The following GBE1 variants were observed in gnomAD, a reference collection of about 807,000 sequenced individuals.
The protein encoded by GBE1 is 1,4-alpha-glucan branching enzyme 1.
GBE1 carries 70 observed loss-of-function variants against 88.8 expected under a neutral mutation model. The observed-to-expected ratio is 0.79, with a 90% CI of 0.65 to 0.96. The LOEUF is 0.96. Ranked by LOEUF, GBE1 falls within the 40% of genes least tolerant of loss-of-function variation. The probability of loss-of-function intolerance (pLI) is 0.00; values close to 1 mark genes in which losing one functional copy is unlikely to be tolerated. For synonymous variants in GBE1, 284 were observed against 300.1 expected (o/e 0.95, Z 0.56); for missense variants, 872 against 871.0 (o/e 1.00, Z -0.01).
chr3:81,506,835 G>A (rs1358236097), intron 14 of GBE1, among the ~76,000 whole-genome samples: 2 of 152,096 alleles, frequency 1.3e-5, no homozygotes, highest in East Asian at 3.9e-4. Context: ...ACCAAATACT[G>A]CATGTTCTCA....
In GBE1 at chr3:81,535,331, A is replaced by T; in HGVS notation, c.1804-6T>A. ...TGTTTTTCACTCACGTAGGCCTGCA[A>T]GAATTAGCACACATGTTACATTTAA... On this transcript the variant is annotated splice_region_variant and splice_polypyrimidine_tract_variant and intron_variant, in intron 13 of 15. Transcript: ENST00000429644. 6.3e-7 allele frequency: 1 copy of T among 1,598,142 alleles called. No individual in the cohort carries two copies. The highest frequency in any genetic ancestry group is 8.5e-7 in the Non-Finnish European group (1 of 1,174,650).
At chr3:81,633,224 T>G (rs1340865509) in intron 7 of GBE1, among the ~76,000 whole-genome samples, 1 of 152,164 alleles carries the variant, frequency 6.6e-6, no homozygotes, top group African/African-American at 2.4e-5. Flanking sequence ...ACAATGATAT[T>G]GTGATGACAG....
At chr3:81,633,846 A>G (rs1704551938) in intron 7 of GBE1, among the ~76,000 whole-genome samples, 1 of 152,156 alleles carries the variant, frequency 6.6e-6, no homozygotes, top group East Asian at 1.9e-4. Context: ...ACATTTTGGA[A>G]CCCAGAGATA....
chr3:81,541,996 A>T (rs988662326), intron 12 of GBE1, among the ~76,000 whole-genome samples: 1 of 152,046 alleles, frequency 6.6e-6, no homozygotes, highest in Non-Finnish European at 1.5e-5. Context: ...ACACACACAG[A>T]TGTTACAAAA....
intron 7 of GBE1, among the ~76,000 whole-genome samples, chr3:81,625,984 G>C (rs1443606950): frequency 6.6e-6 from 1 of 152,120 alleles, no homozygotes; most frequent in Non-Finnish European, 1.5e-5. Flanking sequence ...TTCTGCTAGA[G>C]GAAATAACCA....
chr3:81,680,551 T>C (rs1252758086), intron 2 of GBE1, among the ~76,000 whole-genome samples: 1 of 150,728 alleles, frequency 6.6e-6, no homozygotes, highest in African/African-American at 2.4e-5. Context: ...ATGCCATCTA[T>C]AATTGACCAA....
intron 9 of GBE1, among the ~76,000 whole-genome samples, chr3:81,586,835 C>A (rs1411416140): frequency 6.6e-6 from 1 of 151,260 alleles, no homozygotes; most frequent in Admixed American, 6.6e-5. Flanking sequence ...GTTGCCCAGG[C>A]TGGTTTACAG....
rs545102688 is a variant in GBE1, at chr3:81,617,566, A to T, written c.993-23543T>A. Among the ~76,000 whole-genome samples, 4 of 151,980 alleles carry T rather than the reference A, an allele frequency of 2.6e-5. No individual in the cohort carries two copies. In the East Asian group the frequency reaches 5.8e-4, roughly 22 times the overall value. ...AACAAGCTTAATATTTCTAGAATAAACCCTACTTGGTTATGGTGTATAATT... is the reference window on the plus strand; with the variant it reads ...AACAAGCTTAATATTTCTAGAATAATCCCTACTTGGTTATGGTGTATAATT... On this transcript the variant is annotated intron_variant, in intron 7 of 15. Coordinates refer to ENST00000429644, the MANE Select transcript of GBE1 (RefSeq NM_000158.4).
intron 1 of GBE1, among the ~76,000 whole-genome samples, chr3:81,737,394 T>TAAATATATTTTTATATATTTATATATAA (rs1706279848): frequency 2.9e-5 from 1 of 34,244 alleles, no homozygotes; most frequent in South Asian, 6.1e-4. Flanking sequence ...TATATTTATA[T>TAAATATATTTTTATATATTTATATATAA]AAATATATTT....
At chr3:81,630,634 T>G (rs574262661) in intron 7 of GBE1, among the ~76,000 whole-genome samples, 1 of 152,124 alleles carries the variant, frequency 6.6e-6, no homozygotes, top group African/African-American at 2.4e-5. Flanking sequence ...TAAATACACA[T>G]CAACTATTTC....
At chr3:81,551,643 G>A (rs1214961532) in intron 12 of GBE1, among the ~76,000 whole-genome samples, 1 of 152,072 alleles carries the variant, frequency 6.6e-6, no homozygotes, top group Non-Finnish European at 1.5e-5. Flanking sequence ...TGCTGCTTTG[G>A]ACTGAACCAA....
chr3:81,504,962 AAG>A (rs1702634888), intron 14 of GBE1, among the ~76,000 whole-genome samples: 2 of 152,192 alleles, frequency 1.3e-5, no homozygotes. Context: ...TGACAAAAAG[AAG>A]AGTTCTCCAG....
intron 12 of GBE1, among the ~76,000 whole-genome samples, chr3:81,546,298 T>C (rs1703204323): frequency 6.6e-6 from 1 of 151,906 alleles, no homozygotes; most frequent in South Asian, 2.1e-4. Flanking sequence ...TACACACTCA[T>C]ATTATAGGCA....
At chr3:81,712,668 G>A (rs1337578622) in intron 1 of GBE1, among the ~76,000 whole-genome samples, 3 of 152,022 alleles carry the variant, frequency 2.0e-5, no homozygotes, top group Non-Finnish European at 4.4e-5. Context: ...GAAGGGGGGA[G>A]GGATAGCATT....
chr3:81,636,219 G>A (rs1263866105), intron 7 of GBE1, among the ~76,000 whole-genome samples: 1 of 152,142 alleles, frequency 6.6e-6, no homozygotes, highest in Non-Finnish European at 1.5e-5. Flanking sequence ...TCTGAATTTT[G>A]AAGCTAACTC....
intron 1 of GBE1, among the ~76,000 whole-genome samples, chr3:81,751,769 T>C (rs1021155992): frequency 1.9e-4 from 29 of 152,238 alleles, no homozygotes; most frequent in African/African-American, 7.0e-4. Context: ...TGTGCTGGGT[T>C]TTCTATGACA....
At chr3:81,544,555 G>C (rs562411737) in intron 12 of GBE1, among the ~76,000 whole-genome samples, 1 of 152,132 alleles carries the variant, frequency 6.6e-6, no homozygotes, top group African/African-American at 2.4e-5. Flanking sequence ...CTAGAAATGA[G>C]AAATCTGAAA....
At chr3:81,587,482 G>A (rs535785608) in intron 9 of GBE1, among the ~76,000 whole-genome samples, 4 of 152,066 alleles carry the variant, frequency 2.6e-5, no homozygotes, top group African/African-American at 4.8e-5. Flanking sequence ...GAGACAGTCC[G>A]CTCCTATTAC....
intron 12 of GBE1, among the ~76,000 whole-genome samples, chr3:81,553,106 G>C (rs1703295072): frequency 6.6e-6 from 1 of 152,134 alleles, no homozygotes; most frequent in African/African-American, 2.4e-5. Flanking sequence ...CAGGCATTAG[G>C]GAAGGTAATG....
Sources: gnomAD v4.1 joint callset for allele counts (sites outside exome capture counted in the v4.1 genomes callset) on GRCh38, gnomAD v4.1.1 for gene constraint, MANE v1.5 for transcripts, NCBI Gene and HGNC (gene_info 2026-07-23, HGNC 2026-07-21) for gene names.